The following MBTPS1 variants were observed in gnomAD, a reference collection of about 807,000 sequenced individuals.
MBTPS1 encodes the protein membrane bound transcription factor peptidase, site 1.
MBTPS1 carries 94 observed loss-of-function variants against 127.8 expected under a neutral mutation model. The ratio of observed to expected loss-of-function variants is 0.74; its 90% CI spans 0.62 to 0.87. The LOEUF (loss-of-function observed/expected upper bound fraction) is 0.87, where lower values mean the gene tolerates loss of function less well. Among genes scored for constraint, MBTPS1 ranks in the 40% least tolerant of loss-of-function variants. The probability of loss-of-function intolerance (pLI) is 0.00; values close to 1 mark genes in which losing one functional copy is unlikely to be tolerated. For missense variants in MBTPS1, 1,636 were observed against 1,353.2 expected, an observed-to-expected ratio of 1.21 and a Z score of -3.28; for synonymous variants, 632 against 509.4, an observed-to-expected ratio of 1.24 and a Z score of -3.24.
At chr16:84,112,629 T>C (rs1479161298) in intron 1 of MBTPS1, among the ~76,000 whole-genome samples, 1 of 133,520 alleles carries the variant, frequency 7.5e-6, no homozygotes, top group Non-Finnish European at 1.5e-5. Flanking sequence ...GCCACTGCAC[T>C]CCAGCCCGGG....
At chr16:84,067,114 A>T (rs571466111) in intron 16 of MBTPS1, among the ~76,000 whole-genome samples, 224 of 152,266 alleles carry the variant, frequency 1.5e-3, no homozygotes, top group Admixed American at 2.9e-3. Flanking sequence ...ACAATAATTT[A>T]CTCGAAATAT....
At chr16:84,091,692 G>A (rs752649303) in intron 7 of MBTPS1, 40 bp downstream of exon 7, 5 of 1,386,472 alleles carry the variant, frequency 3.6e-6, no homozygotes, top group Non-Finnish European at 5.1e-6. Context: ...GAAAGAGCAG[G>A]AGCTGTCACC....
intron 18 of MBTPS1, among the ~76,000 whole-genome samples, chr16:84,065,278 C>T (rs143905962): frequency 1.6e-4 from 24 of 152,134 alleles, no homozygotes; most frequent in African/African-American, 5.1e-4. Context: ...CCATCATGCC[C>T]GGCTAAATTT....
At chr16:84,082,987 A>G (rs189874895) in intron 10 of MBTPS1, among the ~76,000 whole-genome samples, 72 of 152,266 alleles carry the variant, frequency 4.7e-4, no homozygotes, top group African/African-American at 1.7e-3. Flanking sequence ...AGATGAGGAG[A>G]CTGAAAGGCT....
At position 84,065,720 on chromosome 16, in the gene MBTPS1, C is replaced by T. The variant is rs374217477; in HGVS notation, c.2401G>A (p.Val801Ile). 39 of 1,611,938 alleles carry T rather than the reference C, an allele frequency of 2.4e-5. No individual in the cohort carries two copies. The highest frequency in any genetic ancestry group is 1.6e-4 in the Middle Eastern group (1 of 6,076). ...TCCTTGAAAGTCTGTGTTATCACGA[C>T]GCCATCTTCTGGAAACTTCGCGATG... ...CSIAKFPEDG[V>I]VITQTFKDQG... Residue 801 changes from valine to isoleucine, a missense_variant, in exon 18 of 23, where the codon GTC (valine) becomes ATC (isoleucine). Physicochemically the swap from Val to Ile is conservative, Grantham distance 29. Coordinates refer to ENST00000343411, the MANE Select transcript of MBTPS1 (RefSeq NM_003791.4).
At chr16:84,054,701 C>G (rs1341757186) in intron 22 of MBTPS1, 56 bp from the exon 23 acceptor site, 1 of 1,377,208 alleles carries the variant, frequency 7.3e-7, no homozygotes, top group Non-Finnish European at 9.8e-7. Context: ...ACCATGACGG[C>G]CTTTTTCTAT....
intron 1 of MBTPS1, among the ~76,000 whole-genome samples, chr16:84,103,576 A>G (rs913240017): frequency 6.6e-6 from 1 of 152,182 alleles, no homozygotes; most frequent in African/African-American, 2.4e-5. Context: ...AAAAGAAAAC[A>G]TTAAGGACAA....
Position 84,056,096 on chromosome 16 carries a change from C to T in MBTPS1, c.2871G>A (p.Leu957=), listed in dbSNP as rs1217196263. The change falls in exon 22 of 23, where the codon CTG becomes CTA. Residue 957 remains leucine (L), a synonymous_variant. Transcript: ENST00000343411. ...GAAAGTTGGGTAACACCACCTTGTC[C>T]AGGTCAATGGAGAGTAGCTTCTGAT... is the stretch of plus-strand genomic sequence containing the variant. The part of the protein sequence containing the change: ...WKHQKLLSID[L]DKVVLPNFRS... The T allele has an allele frequency of 6.2e-7, 1 of 1,613,948 alleles. No homozygotes were observed. Among genetic ancestry groups the T allele is most frequent in the Non-Finnish European group, 8.5e-7 (1 of 1,179,916 alleles).
intron 9 of MBTPS1, chr16:84,086,046 T>G (rs947563263): frequency 2.0e-5 from 3 of 152,196 alleles, no homozygotes; most frequent in African/African-American, 7.2e-5. Context: ...AAAATTAGAA[T>G]AGGATCTCAT....
In MBTPS1 at chr16:84,067,316, G is replaced by A. The variant is rs900181644; in HGVS notation, c.2228+351C>T. On this transcript the variant is annotated intron_variant, in intron 16 of 22. Coordinates refer to ENST00000343411, the MANE Select transcript of MBTPS1 (RefSeq NM_003791.4). ...ATCTTACTCTATGAGCAACTTTCAAGAACCTCTCTACTGTATAAAGGACTA... is the reference window on the plus strand; with the variant it reads ...ATCTTACTCTATGAGCAACTTTCAAAAACCTCTCTACTGTATAAAGGACTA... 4.8e-4 allele frequency among the ~76,000 whole-genome samples: 73 copies of A among 152,102 alleles called. 1 individual carries two copies. Among genetic ancestry groups the A allele is most frequent in the Non-Finnish European group, 1.2e-4 (8 of 68,008 alleles).
intron 1 of MBTPS1, among the ~76,000 whole-genome samples, chr16:84,106,042 C>A (rs994421171): frequency 6.6e-6 from 1 of 152,164 alleles, no homozygotes; most frequent in Admixed American, 6.5e-5. Flanking sequence ...CACCTGTAAT[C>A]TCAGCACTTT....
rs568192254 is a variant in MBTPS1, at chr16:84,097,585, C to T, written c.421+1468G>A. On this transcript the variant is annotated intron_variant, in intron 3 of 22. Coordinates refer to ENST00000343411, the MANE Select transcript of MBTPS1 (RefSeq NM_003791.4). Reference sequence around the variant, plus strand: ...TTCTTGTGCTAAAATTAGGCAACTCCGTGTCTCCTAAAGCATTCTAGAGCT... The same window carrying T: ...TTCTTGTGCTAAAATTAGGCAACTCTGTGTCTCCTAAAGCATTCTAGAGCT... Among the ~76,000 whole-genome samples the T allele has an allele frequency of 5.3e-5, 8 of 152,262 alleles. No homozygotes were observed. The East Asian group carries it at 5.8e-4, about 11-fold the overall frequency.
chr16:84,115,663 G>A (rs1173771993), intron 1 of MBTPS1, among the ~76,000 whole-genome samples: 1 of 152,182 alleles, frequency 6.6e-6, no homozygotes, highest in African/African-American at 2.4e-5. Context: ...CTGAATATAC[G>A]AAATAGTCAT....
At position 84,065,808 on chromosome 16, in the gene MBTPS1, C is replaced by T. The variant is rs370950850; in HGVS notation, c.2354-41G>A. 36 of 1,210,334 alleles carry T rather than the reference C, an allele frequency of 3.0e-5. 2 individuals are homozygous for T. The highest frequency in any genetic ancestry group is 3.9e-4 in the Middle Eastern group (2 of 5,106). The allele number at this position is 1,210,334 out of a possible 1,614,324, so 75.0% of individuals were successfully genotyped here. ...CAAAGTCAAGGGAACACAGGAACGCCGAACACTTTAATAAATAATAGCTAC... is the reference window on the plus strand; with the variant it reads ...CAAAGTCAAGGGAACACAGGAACGCTGAACACTTTAATAAATAATAGCTAC... On this transcript the variant is annotated intron_variant, in intron 17 of 22. Transcript: ENST00000343411.
chr16:84,116,479 G>A (rs1597363361), intron 1 of MBTPS1, among the ~76,000 whole-genome samples: 1 of 152,324 alleles, frequency 6.6e-6, no homozygotes, highest in Non-Finnish European at 1.5e-5. Flanking sequence ...TGTTTCACTC[G>A]GTGAATGCTC....
rs1279366252 is a variant in MBTPS1, at chr16:84,111,567, A to T, written c.-325+5168T>A. On this transcript the variant is annotated intron_variant, in intron 1 of 22. Coordinates refer to ENST00000343411, the MANE Select transcript of MBTPS1 (RefSeq NM_003791.4). ...AAAAAAAAAAAGAAAAAAGAAAGCA[A>T]TCAAGAGGTTGAGATAATTTGAGGA... 7.2e-5 allele frequency among the ~76,000 whole-genome samples: 11 copies of T among 152,072 alleles called. No individual in the cohort carries two copies. The South Asian group carries it at 1.9e-3, about 26-fold the overall frequency.
intron 1 of MBTPS1, among the ~76,000 whole-genome samples, chr16:84,113,588 T>C (rs924624691): frequency 1.3e-5 from 2 of 152,246 alleles, no homozygotes; most frequent in African/African-American, 4.8e-5. Context: ...GTCTCCCACT[T>C]ACAATTTTCA....
chr16:84,064,821 A>G (rs1411761095), intron 18 of MBTPS1, among the ~76,000 whole-genome samples: 1 of 152,232 alleles, frequency 6.6e-6, no homozygotes, highest in African/African-American at 2.4e-5. Context: ...TAAAAGGAAA[A>G]AATCCCTTCC....
chr16:84,115,091 G>C (rs2086453996), intron 1 of MBTPS1, among the ~76,000 whole-genome samples: 1 of 152,032 alleles, frequency 6.6e-6, no homozygotes, highest in Non-Finnish European at 1.5e-5. Context: ...ATTGCGCCCA[G>C]CTAATTTTTG....
Sources: gnomAD v4.1 joint callset for allele counts (sites outside exome capture counted in the v4.1 genomes callset) on GRCh38, gnomAD v4.1.1 for gene constraint, MANE v1.5 for transcripts, NCBI Gene and HGNC (gene_info 2026-07-23, HGNC 2026-07-21) for gene names.